FAM13A: variants seen among roughly 807,000 people sequenced by gnomAD.
FAM13A encodes the protein protein FAM13A.
In FAM13A, 76 loss-of-function variants were observed where a neutral mutation model predicts 129.6. The observed-to-expected ratio is 0.59, with a 90% CI of 0.49 to 0.71. The LOEUF is 0.71. Among genes scored for constraint, FAM13A ranks in the 30% least tolerant of loss-of-function variants. FAM13A has a pLI of 0.00. For missense variants in FAM13A, 1,108 were observed against 1,249.3 expected, an observed-to-expected ratio of 0.89 and a Z score of 1.70; for synonymous variants, 443 against 449.9, an observed-to-expected ratio of 0.98 and a Z score of 0.20.
chr4:88,836,738 T>C (rs1191038755), intron 7 of FAM13A, among the ~76,000 whole-genome samples: 1 of 152,140 alleles, frequency 6.6e-6, no homozygotes, highest in Non-Finnish European at 1.5e-5. Context: ...GACGGGTGGA[T>C]CACCTGAGGT....
chr4:88,849,812 A>G (rs1267423082), intron 7 of FAM13A, among the ~76,000 whole-genome samples: 1 of 152,228 alleles, frequency 6.6e-6, no homozygotes, highest in Non-Finnish European at 1.5e-5. Flanking sequence ...AGAATGAAAA[A>G]ATACATGAAC....
At chr4:89,049,369 T>C (rs1445871616) in intron 1 of FAM13A, among the ~76,000 whole-genome samples, 1 of 152,220 alleles carries the variant, frequency 6.6e-6, no homozygotes, top group Non-Finnish European at 1.5e-5. Flanking sequence ...ATATATAGTT[T>C]CAGAAAAGTC....
chr4:88,751,145 G>A (rs1483465332), intron 14 of FAM13A, among the ~76,000 whole-genome samples: 1 of 152,206 alleles, frequency 6.6e-6, no homozygotes, highest in Non-Finnish European at 1.5e-5. Context: ...GGGAGGCTGA[G>A]GCACGAGAAT....
chr4:88,750,610 T>G lies in FAM13A; in HGVS notation c.1754A>C (p.Gln585Pro), dbSNP rs551404204. ...EEPIPAFSSW[Q>P]RENSDSDEAH... ...TTCATCAGAGTCACTGTTCTCCCGCTGCCAGGAGGAGAAAGCAGGGATAGG... is the reference window on the plus strand; with the variant it reads ...TTCATCAGAGTCACTGTTCTCCCGCGGCCAGGAGGAGAAAGCAGGGATAGG... Residue 585 changes from glutamine to proline, a missense_variant, in exon 15 of 24, where the codon CAG becomes CCG. Gln to Pro is a moderately conservative substitution (Grantham distance 76). Coordinates refer to ENST00000264344, the MANE Select transcript of FAM13A (RefSeq NM_014883.4). 4.8e-4 allele frequency: 768 copies of G among 1,613,952 alleles called. 7 individuals carry two copies. In the South Asian group the frequency reaches 7.4e-3, roughly 16 times the overall value.
intron 8 of FAM13A, among the ~76,000 whole-genome samples, chr4:88,795,114 A>G (rs1202611747): frequency 6.6e-6 from 1 of 151,792 alleles, no homozygotes; most frequent in African/African-American, 2.4e-5. Flanking sequence ...AAACTCTGAT[A>G]AAAGTTGCAT....
At chr4:88,821,171 G>A (rs1361113160) in intron 7 of FAM13A, among the ~76,000 whole-genome samples, 1 of 152,164 alleles carries the variant, frequency 6.6e-6, no homozygotes, top group Non-Finnish European at 1.5e-5. Context: ...CACAAGGCAC[G>A]CTTAACAAAG....
intron 4 of FAM13A, among the ~76,000 whole-genome samples, chr4:88,963,192 C>T (rs1157253028): frequency 6.6e-6 from 1 of 152,040 alleles, no homozygotes; most frequent in Non-Finnish European, 1.5e-5. Flanking sequence ...ATAACGGTGT[C>T]ATTAACACAC....
In FAM13A at chr4:88,736,861, G is replaced by A. The variant is rs570920620; in HGVS notation, c.2646+611C>T. On this transcript the variant is annotated intron_variant, in intron 21 of 23. Coordinates refer to ENST00000264344, the MANE Select transcript of FAM13A (RefSeq NM_014883.4). ...ATCAGTCATTCACAGCACCTCATTCGTAGATTAAGAGCAGATTTTAAAATT... is the reference window on the plus strand; with the variant it reads ...ATCAGTCATTCACAGCACCTCATTCATAGATTAAGAGCAGATTTTAAAATT... Among the ~76,000 whole-genome samples, 5 of 152,244 alleles carry A rather than the reference G, an allele frequency of 3.3e-5. No individual in the cohort carries two copies. In the East Asian group the frequency reaches 5.8e-4, roughly 18 times the overall value.
intron 4 of FAM13A, among the ~76,000 whole-genome samples, chr4:88,945,783 G>GTATATATATATATAAGTATATATATAA (rs1755582329): frequency 7.9e-6 from 1 of 127,040 alleles, no homozygotes; most frequent in African/African-American, 3.2e-5. Context: ...CTATGTGGTT[G>GTATATATATATATAAGTATATATATAA]TATATATATA....
chr4:88,834,359 G>A (rs1168445590), intron 7 of FAM13A, among the ~76,000 whole-genome samples: 2 of 151,870 alleles, frequency 1.3e-5, no homozygotes, highest in Non-Finnish European at 2.9e-5. Context: ...TTGAATTTTG[G>A]TGAGGAAATA....
intron 6 of FAM13A, among the ~76,000 whole-genome samples, chr4:88,875,293 G>T (rs901383749): frequency 6.6e-6 from 1 of 152,154 alleles, no homozygotes; most frequent in Non-Finnish European, 1.5e-5. Context: ...AGACAAATGG[G>T]ATCTAGTTAA....
chr4:88,822,308 T>C (rs1239035607), intron 7 of FAM13A, among the ~76,000 whole-genome samples: 3 of 152,160 alleles, frequency 2.0e-5, no homozygotes, highest in Admixed American at 1.3e-4. Flanking sequence ...AGACCCTTTG[T>C]TTAAATTTAC....
Position 88,902,292 on chromosome 4 carries a change from G to A in FAM13A, c.843+4087C>T, listed in dbSNP as rs112651967. Among the ~76,000 whole-genome samples the A allele has an allele frequency of 9.2e-3, 1,396 of 152,188 alleles. 22 individuals carry two copies. The highest frequency in any genetic ancestry group is 0.032 in the African/African-American group (1,319 of 41,530). On this transcript the variant is annotated intron_variant, in intron 6 of 23. Transcript: ENST00000264344. ...ATCATCCTGATACCAAAACCTGGCA[G>A]AGATACAACAAAAAAAGAAAACTTC...
At position 89,035,893 on chromosome 4, in the gene FAM13A, T is replaced by C. The variant is rs530589452; in HGVS notation, c.28-6244A>G. 2.0e-5 allele frequency among the ~76,000 whole-genome samples: 3 copies of C among 152,328 alleles called. No homozygotes were observed. The South Asian group carries it at 6.2e-4, about 32-fold the overall frequency. On this transcript the variant is annotated intron_variant, in intron 1 of 23. Coordinates refer to ENST00000264344, the MANE Select transcript of FAM13A (RefSeq NM_014883.4). ...GTGAGCCTTTTAAACATCTTTTCTT[T>C]ATAAATTATCCAGTCTCAGGTAAGG...
chr4:88,891,342 C>T (rs1745276654), intron 6 of FAM13A, among the ~76,000 whole-genome samples: 1 of 152,102 alleles, frequency 6.6e-6, no homozygotes, highest in Non-Finnish European at 1.5e-5. Flanking sequence ...GAGGCACGAA[C>T]ATGGGAGATT....
At chr4:89,011,388 A>T (rs1317939200) in intron 3 of FAM13A, among the ~76,000 whole-genome samples, 2 of 152,180 alleles carry the variant, frequency 1.3e-5, no homozygotes, top group Non-Finnish European at 2.9e-5. Flanking sequence ...ACAACAATTT[A>T]AAAAATTTTC....
At chr4:88,836,005 AT>A (rs140310558) in intron 7 of FAM13A, among the ~76,000 whole-genome samples, 10,616 of 151,998 alleles carry the variant, frequency 0.07, 527 homozygotes, top group African/African-American at 0.14. Flanking sequence ...CTTAAAACAA[AT>A]TTTTTTTGCA....
At chr4:88,944,700 G>A (rs922265314) in intron 4 of FAM13A, among the ~76,000 whole-genome samples, 13 of 152,010 alleles carry the variant, frequency 8.6e-5, no homozygotes, top group African/African-American at 2.7e-4. Flanking sequence ...TCAGGAGTTC[G>A]AGACCCACCT....
intron 2 of FAM13A, among the ~76,000 whole-genome samples, chr4:89,023,212 C>A (rs1767507088): frequency 6.6e-6 from 1 of 152,166 alleles, no homozygotes; most frequent in Non-Finnish European, 1.5e-5. Flanking sequence ...CAAGGTCTGT[C>A]TCCTCTACTA....
Sources: allele counts gnomAD v4.1 joint callset (sites outside exome capture counted in the v4.1 genomes callset), GRCh38; gene constraint gnomAD v4.1.1; transcripts MANE v1.5; gene names NCBI Gene and HGNC (gene_info 2026-07-23, HGNC 2026-07-21).